MAF: variants seen among roughly 807,000 people sequenced by gnomAD.
MAF encodes the protein transcription factor Maf.
In MAF, 10 loss-of-function variants were observed where a neutral mutation model predicts 22.0. The observed-to-expected ratio is 0.45, with a 90% CI of 0.28 to 0.77. MAF has a LOEUF of 0.77. MAF is among the 30% of genes least tolerant of loss of function. MAF has a pLI of 0.12. For synonymous variants in MAF, 337 were observed against 255.8 expected, an observed-to-expected ratio of 1.32 and a Z score of -3.03; for missense variants, 544 against 548.4, an observed-to-expected ratio of 0.99 and a Z score of 0.08.
the MAF span, among the ~76,000 whole-genome samples, chr16:79,314,209 T>C: frequency 2.0e-5 from 3 of 152,278 alleles, no homozygotes; most frequent in Admixed American, 2.0e-4. Flanking sequence ...TGAGGAAATA[T>C]GGAGATTTAT....
At chr16:79,535,855 G>A in the MAF span, among the ~76,000 whole-genome samples, 1 of 152,124 alleles carries the variant, frequency 6.6e-6, no homozygotes, top group African/African-American at 2.4e-5. Context: ...ACAGGCATGA[G>A]CCACCACACC....
At chr16:79,283,453 T>C in the MAF span, among the ~76,000 whole-genome samples, 1 of 152,208 alleles carries the variant, frequency 6.6e-6, no homozygotes, top group East Asian at 1.9e-4. Flanking sequence ...TCTTTGTATT[T>C]TAAAAAGATC....
chr16:79,376,917 C>G, the MAF span, among the ~76,000 whole-genome samples: 2 of 152,168 alleles, frequency 1.3e-5, no homozygotes, highest in African/African-American at 2.4e-5. Context: ...TTAATCCAGT[C>G]TATCATTGTT....
the MAF span, among the ~76,000 whole-genome samples, chr16:79,538,748 C>T: frequency 6.6e-6 from 1 of 151,720 alleles, no homozygotes; most frequent in Non-Finnish European, 1.5e-5. Flanking sequence ...ATCACTTGAA[C>T]CAAGGAGGTG....
At chr16:79,232,885 G>A in the MAF span, among the ~76,000 whole-genome samples, 1 of 141,684 alleles carries the variant, frequency 7.1e-6, no homozygotes, top group Non-Finnish European at 1.5e-5. Context: ...CTGTCGCCCA[G>A]GCTGGAGTGC....
At chr16:79,240,911 G>C in the MAF span, among the ~76,000 whole-genome samples, 5,141 of 152,064 alleles carry the variant, frequency 0.034, 119 homozygotes, top group East Asian at 0.047. Context: ...ACAGGGTCTG[G>C]AGTGGACCTC....
chr16:79,548,779 A>G, the MAF span, among the ~76,000 whole-genome samples: 12,982 of 152,204 alleles, frequency 0.085, 709 homozygotes, highest in Middle Eastern at 0.14. Flanking sequence ...AAGACACTAC[A>G]TAGAAAAAGA....
chr16:79,328,289 T>TA, the MAF span, among the ~76,000 whole-genome samples: 2 of 151,798 alleles, frequency 1.3e-5, no homozygotes, highest in Non-Finnish European at 2.9e-5. Context: ...TCCTTTTTTT[T>TA]TAAAAAAAGA....
the MAF span, among the ~76,000 whole-genome samples, chr16:79,514,611 T>G: frequency 1.6e-4 from 25 of 152,258 alleles, no homozygotes; most frequent in African/African-American, 6.0e-4. Flanking sequence ...TAGGCTGTAG[T>G]GGCAGAAAAA....
At chr16:79,505,393 C>G in the MAF span, among the ~76,000 whole-genome samples, 1 of 152,104 alleles carries the variant, frequency 6.6e-6, no homozygotes, top group African/African-American at 2.4e-5. Context: ...GCTGGTTTGT[C>G]CTTGTCCCTC....
At chr16:79,512,335 C>T in the MAF span, among the ~76,000 whole-genome samples, 9 of 152,184 alleles carry the variant, frequency 5.9e-5, no homozygotes, top group African/African-American at 1.2e-4. Flanking sequence ...CAAGCCAGCT[C>T]AGGGTACTGG....
chr16:79,574,094 G>T, the MAF span, among the ~76,000 whole-genome samples: 2 of 152,334 alleles, frequency 1.3e-5, no homozygotes, highest in Non-Finnish European at 2.9e-5. Context: ...CACGCTCACA[G>T]AGTTTAGCGT....
At chr16:79,221,920 T>C in the MAF span, among the ~76,000 whole-genome samples, 1 of 152,252 alleles carries the variant, frequency 6.6e-6, no homozygotes, top group Admixed American at 6.5e-5. Context: ...TGTCTTTGAT[T>C]TTTTTTCATT....
the MAF span, among the ~76,000 whole-genome samples, chr16:79,216,496 C>A: frequency 6.6e-6 from 1 of 152,140 alleles, no homozygotes; most frequent in Non-Finnish European, 1.5e-5. Context: ...ATTGTTTCTT[C>A]CTTTCAGTAT....
the MAF span, among the ~76,000 whole-genome samples, chr16:79,413,451 T>C: frequency 1.3e-5 from 2 of 149,880 alleles, no homozygotes; most frequent in Non-Finnish European, 3.0e-5. Flanking sequence ...TTCACCATGG[T>C]CTCGATCTCC....
At chr16:79,261,796 C>G in the MAF span, among the ~76,000 whole-genome samples, 1 of 152,164 alleles carries the variant, frequency 6.6e-6, no homozygotes, top group East Asian at 1.9e-4. Flanking sequence ...AAGACAATTT[C>G]ATTGACACTC....
the MAF span, among the ~76,000 whole-genome samples, chr16:79,367,136 C>A: frequency 6.6e-6 from 1 of 152,148 alleles, no homozygotes; most frequent in Non-Finnish European, 1.5e-5. Flanking sequence ...CATATACACA[C>A]GGAAATCTTC....
chr16:79,538,821 G>A, the MAF span, among the ~76,000 whole-genome samples: 5 of 146,634 alleles, frequency 3.4e-5, no homozygotes, highest in African/African-American at 1.3e-4. Flanking sequence ...GCATGACTCT[G>A]TCTCGAAAGA....
At chr16:79,494,222 C>T in the MAF span, among the ~76,000 whole-genome samples, 1 of 152,174 alleles carries the variant, frequency 6.6e-6, no homozygotes, top group Non-Finnish European at 1.5e-5. Flanking sequence ...TGACTCTCAC[C>T]TAATGAAAGC....
Sources: allele counts gnomAD v4.1 joint callset (sites outside exome capture counted in the v4.1 genomes callset), GRCh38; gene constraint gnomAD v4.1.1; transcripts MANE v1.5; gene names NCBI Gene and HGNC (gene_info 2026-07-23, HGNC 2026-07-21).